FAM120A: variants seen among roughly 807,000 people sequenced by gnomAD.
The protein encoded by FAM120A is family with sequence similarity 120 member A.
Under a neutral mutation model 109.7 loss-of-function variants are expected in FAM120A, and 15 were observed. The ratio of observed to expected loss-of-function variants is 0.14; its 90% confidence interval spans 0.09 to 0.21. FAM120A has a LOEUF of 0.21. FAM120A is among the 10% of genes least tolerant of loss of function. The pLI, the probability that FAM120A is intolerant of heterozygous loss-of-function variation, is 1.00. For missense variants in FAM120A, 899 were observed against 1,439.3 expected, an observed-to-expected ratio of 0.62 and a Z score of 6.07; for synonymous variants, 493 against 572.8, an observed-to-expected ratio of 0.86 and a Z score of 1.99.
intron 1 of FAM120A, among the ~76,000 whole-genome samples, chr9:93,463,195 TA>T (rs1554772942): frequency 2.0e-5 from 3 of 152,200 alleles, no homozygotes; most frequent in African/African-American, 7.2e-5. Context: ...TTCTTTTTTT[TA>T]AAAAAATAGT....
At chr9:93,531,859 T>C (rs1025038602) in intron 9 of FAM120A, among the ~76,000 whole-genome samples, 4 of 152,372 alleles carry the variant, frequency 2.6e-5, no homozygotes, top group South Asian at 4.1e-4. Flanking sequence ...TCTGATGTTA[T>C]CTGTCTGGAT....
At position 93,463,328 on chromosome 9, in the gene FAM120A, T is replaced by C. The variant is rs79898655; in HGVS notation, c.475-7813T>C. ...ACTCCCTTATTTTAAGAAATGTTTT[T>C]CCTTGTTTTTAAGATCACTGTACCC... On this transcript the variant is annotated intron_variant, in intron 1 of 17. Transcript: ENST00000277165. 9.1e-3 allele frequency among the ~76,000 whole-genome samples: 1,389 copies of C among 152,350 alleles called. 21 individuals carry two copies. The highest frequency in any genetic ancestry group is 0.032 in the African/African-American group (1,320 of 41,568).
chr9:93,509,874 G>A (rs1246647558), intron 5 of FAM120A, among the ~76,000 whole-genome samples: 3 of 152,154 alleles, frequency 2.0e-5, no homozygotes, highest in African/African-American at 7.2e-5. Context: ...CCTTGAACAT[G>A]TTTTTATATT....
Position 93,565,092 on chromosome 9 carries a change from A to G in FAM120A, c.*552A>G, listed in dbSNP as rs1862590789. ...TTTTGTGTTAAAAAAAAAAAGTGCAACTATCAAAACTAAAAAATTATAGAG... is the reference window on the plus strand; with the variant it reads ...TTTTGTGTTAAAAAAAAAAAGTGCAGCTATCAAAACTAAAAAATTATAGAG... On this transcript the variant is annotated 3_prime_UTR_variant, in exon 18 of 18. Transcript: ENST00000277165. 6.6e-6 allele frequency: 1 copy of G among 152,662 alleles called. No homozygotes were observed. The highest frequency in any genetic ancestry group is 6.5e-5 in the Admixed American group (1 of 15,288). 9.5% of individuals were successfully genotyped at this position (152,662 alleles called of 1,614,324 possible). A position where few individuals can be genotyped will look rare whatever the true frequency, so the allele number is the denominator to read the frequency against.
chr9:93,558,404 C>G (rs1862365292), intron 14 of FAM120A, among the ~76,000 whole-genome samples, 177 bp from the exon 15 acceptor site: 1 of 145,224 alleles, frequency 6.9e-6, no homozygotes, highest in Non-Finnish European at 1.5e-5. Flanking sequence ...GGGAGGGTGG[C>G]CTTACAATAC....
At chr9:93,529,805 A>G in intron 9 of FAM120A, 2 of 601,030 alleles carry the variant, frequency 3.3e-6, no homozygotes, top group Non-Finnish European at 6.0e-6. Context: ...CCTTCAACTT[A>G]GTATAGAATA....
At position 93,452,507 on chromosome 9, in the gene FAM120A, G is replaced by A. The variant is rs937037051; in HGVS notation, c.474+118G>A. 7.1e-6 allele frequency: 11 copies of A among 1,548,738 alleles called. No individual in the cohort carries two copies. In the African/African-American group the frequency reaches 1.1e-4, roughly 15 times the overall value. ...GCGCTGGGGGCAGCGAGTTCCCCCA[G>A]CCCTTGCCCGGGATAGCCTGGCCGG... is the stretch of plus-strand genomic sequence containing the variant. On this transcript the variant is annotated intron_variant, in intron 1 of 17. Transcript: ENST00000277165. This position sits in a 1 kb window ranked among gnomAD's most constrained non-coding sequence, Gnocchi z 7.0.
At chr9:93,503,146 T>G (rs1859878324) in intron 5 of FAM120A, among the ~76,000 whole-genome samples, 1 of 152,236 alleles carries the variant, frequency 6.6e-6, no homozygotes, top group Non-Finnish European at 1.5e-5. Context: ...CAACAGATTG[T>G]GCTGCTAATG....
intron 7 of FAM120A, among the ~76,000 whole-genome samples, chr9:93,518,894 C>G (rs1484649290): frequency 3.3e-5 from 5 of 152,220 alleles, no homozygotes; most frequent in Non-Finnish European, 7.3e-5. Flanking sequence ...AACACAAATT[C>G]ATAAACTTCC....
chr9:93,509,667 T>C (rs183026351), intron 5 of FAM120A, among the ~76,000 whole-genome samples: 3 of 152,366 alleles, frequency 2.0e-5, no homozygotes, highest in East Asian at 3.9e-4. Flanking sequence ...CTTTGCTTAC[T>C]AGACTTGCCC....
chr9:93,504,045 C>G (rs886474103), intron 5 of FAM120A, among the ~76,000 whole-genome samples: 8 of 152,060 alleles, frequency 5.3e-5, no homozygotes, highest in Non-Finnish European at 2.9e-5. Context: ...TTGAATCAAT[C>G]TACGATTAAA....
intron 11 of FAM120A, among the ~76,000 whole-genome samples, chr9:93,548,300 C>T (rs1188742187): frequency 4.6e-5 from 7 of 152,108 alleles, no homozygotes; most frequent in Non-Finnish European, 7.4e-5. Flanking sequence ...TTAGTAGAGA[C>T]GGGGTTTCAC....
chr9:93,498,728 C>T lies in FAM120A; in HGVS notation c.934-62C>T. The T allele has an allele frequency of 1.1e-6, 1 of 930,730 alleles. No homozygotes were observed. Among genetic ancestry groups the T allele is most frequent in the South Asian group, 1.3e-5 (1 of 75,528 alleles). The allele number at this position is 930,730 out of a possible 1,614,324, so 57.7% of individuals were successfully genotyped here. On this transcript the variant is annotated intron_variant, in intron 4 of 17. Transcript: ENST00000277165. The surrounding 1 kb of genome is among the most constrained non-coding windows in gnomAD (Gnocchi z 4.4). ...TATACATGTGCTGAATTATAAAAAACATTGTGATACACATGACCAGTGGCA... is the reference window on the plus strand; with the variant it reads ...TATACATGTGCTGAATTATAAAAAATATTGTGATACACATGACCAGTGGCA...
At chr9:93,453,699 G>A in intron 1 of FAM120A, 1 of 883,506 alleles carries the variant, frequency 1.1e-6, no homozygotes, top group Non-Finnish European at 1.4e-6. Context: ...CAGACACACA[G>A]CTGCCATTCC....
intron 7 of FAM120A, among the ~76,000 whole-genome samples, 190 bp from the exon 8 acceptor site, chr9:93,526,965 T>C (rs1442452053): frequency 6.6e-6 from 1 of 152,228 alleles, no homozygotes; most frequent in African/African-American, 2.4e-5. Context: ...TTCTTTTCCA[T>C]AGTATGTGGT....
chr9:93,472,381 C>T (rs1467945341), intron 2 of FAM120A, among the ~76,000 whole-genome samples: 2 of 152,176 alleles, frequency 1.3e-5, no homozygotes, highest in African/African-American at 2.4e-5. Flanking sequence ...GTGCTTGTCT[C>T]ACCCTACTTT....
intron 1 of FAM120A, among the ~76,000 whole-genome samples, chr9:93,467,527 C>A (rs1233447096): frequency 6.6e-6 from 1 of 152,066 alleles, no homozygotes; most frequent in Non-Finnish European, 1.5e-5. Flanking sequence ...TTTCCCTCCC[C>A]CCGACCCTCT....
chr9:93,485,956 T>G (rs1455398288), intron 3 of FAM120A, among the ~76,000 whole-genome samples: 1 of 152,160 alleles, frequency 6.6e-6, no homozygotes, highest in African/African-American at 2.4e-5. Context: ...TGTTGTAACA[T>G]GTATCAGTAC....
At chr9:93,544,116 C>T (rs1861801316) in intron 11 of FAM120A, among the ~76,000 whole-genome samples, 1 of 152,196 alleles carries the variant, frequency 6.6e-6, no homozygotes, top group South Asian at 2.1e-4. Context: ...TTTATAGGGT[C>T]ATAATCAATT....
Sources: gnomAD v4.1 joint callset for allele counts (sites outside exome capture counted in the v4.1 genomes callset) on GRCh38, gnomAD v4.1.1 for gene constraint, Gnocchi (gnomAD v3.1) non-coding constraint, MANE v1.5 for transcripts, NCBI Gene and HGNC (gene_info 2026-07-23, HGNC 2026-07-21) for gene names.